Variants in PIGU observed in about 807,000 individuals in gnomAD.
PIGU encodes phosphatidylinositol glycan anchor biosynthesis class U, also known as GPI-anchor transamidase component PIGU.
Under a neutral mutation model 49.9 loss-of-function variants are expected in PIGU, and 24 were observed. The observed-to-expected ratio is 0.48, with a 90% CI of 0.35 to 0.68. The LOEUF is 0.68. PIGU is among the 30% of genes least tolerant of loss of function. The pLI, the probability that PIGU is intolerant of heterozygous loss-of-function variation, is 0.01. For synonymous variants in PIGU, 220 were observed against 205.7 expected, an observed-to-expected ratio of 1.07 and a Z score of -0.59; for missense variants, 490 against 532.6, an observed-to-expected ratio of 0.92 and a Z score of 0.79.
At chr20:34,608,774 C>A (rs1190766729) in intron 7 of PIGU, among the ~76,000 whole-genome samples, 1 of 152,210 alleles carries the variant, frequency 6.6e-6, no homozygotes, top group African/African-American at 2.4e-5. Context: ...CTACAACTCC[C>A]CAGCAAGTGG....
At chr20:34,590,623 TAAC>T (rs1369431171) in intron 7 of PIGU, among the ~76,000 whole-genome samples, 4 of 150,060 alleles carry the variant, frequency 2.7e-5, no homozygotes, top group Non-Finnish European at 3.0e-5. Context: ...TAACATAACA[TAAC>T]ATAACATAAC....
Position 34,677,073 on chromosome 20 carries a change from A to C in PIGU, c.13T>G (p.Leu5Val). 12 of 1,564,010 alleles carry C rather than the reference A, an allele frequency of 7.7e-6. No individual in the cohort carries two copies. Among genetic ancestry groups the C allele is most frequent in the Non-Finnish European group, 1.0e-5 (12 of 1,154,648 alleles). Residue 5 changes from leucine to valine, a missense_variant, in exon 1 of 12, where the codon TTG (leucine) becomes GTG (valine). Coordinates refer to ENST00000217446, the MANE Select transcript of PIGU (RefSeq NM_080476.5). MAAPLVLVLVVAVTV... is the reference protein window; with the variant it reads MAAPVVLVLVVAVTV... The stretch of plus-strand genomic sequence containing the variant: ...ACAGCCACCACCAGCACCAGGACCA[A>C]GGGAGCCGCCATGATAACTGGGGCG...
At chr20:34,622,619 T>A (rs377098952) in intron 6 of PIGU, among the ~76,000 whole-genome samples, 27 of 152,226 alleles carry the variant, frequency 1.8e-4, no homozygotes, top group Middle Eastern at 3.4e-3. Flanking sequence ...TCCAAAAACA[T>A]CTACCTACAG....
chr20:34,596,971 A>G (rs2146722314), intron 7 of PIGU, among the ~76,000 whole-genome samples: 1 of 152,366 alleles, frequency 6.6e-6, no homozygotes, highest in African/African-American at 2.4e-5. Flanking sequence ...AGAATTGCCA[A>G]CATTAAAAAG....
At chr20:34,642,870 GCCTCAGCCTCCC>G (rs1986214669) in intron 4 of PIGU, among the ~76,000 whole-genome samples, 1 of 146,390 alleles carries the variant, frequency 6.8e-6, no homozygotes, top group South Asian at 2.2e-4. Flanking sequence ...TGATTCTTAT[GCCTCAGCCTCCC>G]AAGTAGGTGG....
intron 11 of PIGU, among the ~76,000 whole-genome samples, chr20:34,569,824 C>A (rs940279629): frequency 1.3e-5 from 2 of 152,178 alleles, no homozygotes; most frequent in African/African-American, 4.8e-5. Context: ...ACTGAATATT[C>A]TTCTTGGTGC....
Position 34,601,306 on chromosome 20 carries a change from GA to G in PIGU, c.628-12700del, listed in dbSNP as rs1439638848. Among the ~76,000 whole-genome samples, 15 of 152,238 alleles carry G rather than the reference GA, an allele frequency of 9.9e-5. No homozygotes were observed. The East Asian group carries it at 2.9e-3, about 29-fold the overall frequency. On this transcript the variant is annotated intron_variant, in intron 7 of 11. Transcript: ENST00000217446. ...GTTTTGGAGTCAAGGTTTGCTTGGG[GA>G]ACAGGGCCCTAAAACGATAAAGTAA...
chr20:34,563,867 A>T (rs1296555892), intron 11 of PIGU, among the ~76,000 whole-genome samples: 1 of 152,170 alleles, frequency 6.6e-6, no homozygotes, highest in East Asian at 1.9e-4. Context: ...GCTTGAAATC[A>T]CGTGGCTAGC....
At chr20:34,602,175 G>A (rs1378447503) in intron 7 of PIGU, among the ~76,000 whole-genome samples, 1 of 152,026 alleles carries the variant, frequency 6.6e-6, no homozygotes, top group Non-Finnish European at 1.5e-5. Flanking sequence ...CCAGCTACTT[G>A]GGAGGCTCAG....
chr20:34,592,208 A>G (rs1452890424), intron 7 of PIGU, among the ~76,000 whole-genome samples: 1 of 151,686 alleles, frequency 6.6e-6, no homozygotes, highest in Non-Finnish European at 1.5e-5. Context: ...AAAAAGAAAT[A>G]TTAAAGAAAG....
intron 1 of PIGU, among the ~76,000 whole-genome samples, chr20:34,658,908 CA>C (rs1361121763): frequency 6.9e-6 from 1 of 145,830 alleles, no homozygotes; most frequent in Non-Finnish European, 1.5e-5. Context: ...AGGTGGGGGT[CA>C]ACCCCCGCCA....
At position 34,644,207 on chromosome 20, in the gene PIGU, G is replaced by A; in HGVS notation, c.275C>T (p.Ala92Val). The A allele has an allele frequency of 6.2e-7, 1 of 1,608,596 alleles. No individual in the cohort carries two copies. Among genetic ancestry groups the A allele is most frequent in the Non-Finnish European group, 8.5e-7 (1 of 1,175,098 alleles). ...LVFMITDALTAIALYFAIQDF... is the reference protein window; with the variant it reads ...LVFMITDALTVIALYFAIQDF... ...CTGGATTGCAAAATACAGGGCAATAGCAGTGAGTGCATCAGTTATCTGTCA... is the reference window on the plus strand; with the variant it reads ...CTGGATTGCAAAATACAGGGCAATAACAGTGAGTGCATCAGTTATCTGTCA... The change falls in exon 4 of 12, where the codon GCT (alanine) becomes GTT (valine). Residue 92 changes from alanine (A) to valine (V), a missense_variant. Physicochemically the swap from Ala to Val is moderately conservative, Grantham distance 64. Coordinates refer to ENST00000217446, the MANE Select transcript of PIGU (RefSeq NM_080476.5).
chr20:34,620,816 A>G (rs1167788475), intron 6 of PIGU, among the ~76,000 whole-genome samples: 1 of 138,030 alleles, frequency 7.2e-6, no homozygotes, highest in Non-Finnish European at 1.7e-5. Context: ...AAACAAAAAA[A>G]AAACAAAAAA....
In PIGU at chr20:34,645,298, C is replaced by G; in HGVS notation, c.232G>C (p.Asp78His). The G allele has an allele frequency of 6.4e-7, 1 of 1,572,080 alleles. No homozygotes were observed. The highest frequency in any genetic ancestry group is 8.6e-7 in the Non-Finnish European group (1 of 1,164,820). The part of the protein sequence containing the change: ...LIIYLFHFLI[D>H]YAELVFMITD... ...ACCATAAACACCAATTCAGCATAGTCAATTAGGAAATGAAAGAGGTATATT... is the reference window on the plus strand; with the variant it reads ...ACCATAAACACCAATTCAGCATAGTGAATTAGGAAATGAAAGAGGTATATT... The change falls in exon 3 of 12, where the codon GAC (aspartate) becomes CAC (histidine). Residue 78 changes from aspartate to histidine, a missense_variant. Transcript: ENST00000217446.
chr20:34,599,901 C>T (rs1038311003), intron 7 of PIGU, among the ~76,000 whole-genome samples: 3 of 152,124 alleles, frequency 2.0e-5, no homozygotes, highest in Non-Finnish European at 4.4e-5. Flanking sequence ...CCATATGTGG[C>T]TATTCTAATA....
In PIGU at chr20:34,636,951, A is replaced by G. The variant is rs115010518; in HGVS notation, c.428+925T>C. Among the ~76,000 whole-genome samples the G allele has an allele frequency of 4.3e-3, 662 of 152,342 alleles. 4 individuals are homozygous for G. The highest frequency in any genetic ancestry group is 0.015 in the African/African-American group (627 of 41,582). Reference sequence around the variant, plus strand: ...ACCCCCAGGACACACATAAGTCCATAAGAGATTCATAAAGTTGCTAAATTT... The same window carrying G: ...ACCCCCAGGACACACATAAGTCCATGAGAGATTCATAAAGTTGCTAAATTT... On this transcript the variant is annotated intron_variant, in intron 5 of 11. Transcript: ENST00000217446.
At chr20:34,589,104 TACACACACACACACACACACACACACAC>T (rs11469162) in intron 7 of PIGU, among the ~76,000 whole-genome samples, 2 of 145,936 alleles carry the variant, frequency 1.4e-5, no homozygotes, top group South Asian at 2.3e-4. Context: ...TACTATTATT[TACACACACACACACACACACACACACAC>T]ACACACACAC....
At chr20:34,635,932 C>T (rs1985946759) in intron 5 of PIGU, among the ~76,000 whole-genome samples, 1 of 151,816 alleles carries the variant, frequency 6.6e-6, no homozygotes, top group Non-Finnish European at 1.5e-5. Context: ...CTCACTCACA[C>T]CTGTAATCCC....
intron 11 of PIGU, among the ~76,000 whole-genome samples, chr20:34,574,888 A>G (rs1353205267): frequency 1.3e-5 from 2 of 152,132 alleles, no homozygotes; most frequent in Non-Finnish European, 2.9e-5. Flanking sequence ...CAGCATGGCT[A>G]TGGTTCAGTG....
Sources: gnomAD v4.1 joint callset for allele counts (sites outside exome capture counted in the v4.1 genomes callset) on GRCh38, gnomAD v4.1.1 for gene constraint, MANE v1.5 for transcripts, NCBI Gene and HGNC (gene_info 2026-07-23, HGNC 2026-07-21) for gene names.